ABI1: variants seen among roughly 807,000 people sequenced by gnomAD.
ABI1 encodes the protein abl interactor 1.
In ABI1, 14 loss-of-function variants were observed where a neutral mutation model predicts 54.6. That is an observed-to-expected ratio of 0.26 (90% CI 0.17 to 0.40). The LOEUF (loss-of-function observed/expected upper bound fraction) is 0.40, where lower values mean the gene tolerates loss of function less well. Among genes scored for constraint, ABI1 ranks in the 10% least tolerant of loss-of-function variants. The pLI, the probability that ABI1 is intolerant of heterozygous loss-of-function variation, is 1.00. For synonymous variants in ABI1, 194 were observed against 209.3 expected (o/e 0.93, Z 0.63); for missense variants, 443 against 598.3 (o/e 0.74, Z 2.71).
chr10:26,770,514 T>C, intron 4 of ABI1, 169 bp from the exon 5 acceptor site: 1 of 770,526 alleles, frequency 1.3e-6, no homozygotes, highest in Non-Finnish European at 2.3e-6. Context: ...CACTTGCACT[T>C]GGTCTTCCTA....
At chr10:26,781,967 C>T (rs986352497) in intron 2 of ABI1, among the ~76,000 whole-genome samples, 2 of 152,146 alleles carry the variant, frequency 1.3e-5, no homozygotes, top group Non-Finnish European at 2.9e-5. Context: ...CAGAGGCTGC[C>T]ACCTCATCCT....
intron 3 of ABI1, 106 bp from the exon 4 acceptor site, chr10:26,771,195 A>C: frequency 8.0e-7 from 1 of 1,248,964 alleles, no homozygotes; most frequent in Middle Eastern, 1.9e-4. Context: ...CATGTTAATA[A>C]GCTTTTTTCC....
intron 8 of ABI1, among the ~76,000 whole-genome samples, chr10:26,756,954 A>G (rs777900958): frequency 2.6e-5 from 4 of 152,158 alleles, no homozygotes; most frequent in Non-Finnish European, 5.9e-5. Context: ...ATAACATTCA[A>G]TTCACTATGA....
rs1016995298 is a variant in ABI1, at chr10:26,843,107, C to T, written c.117+17640G>A. Among the ~76,000 whole-genome samples the T allele has an allele frequency of 5.9e-5, 9 of 151,622 alleles. No individual in the cohort carries two copies. The East Asian group carries it at 7.8e-4, about 13-fold the overall frequency. ...TTTGGCTCTGGCTTTTGCATGAATC[C>T]ACAAAGATAAAGGAAAAAAGATTAT... On this transcript the variant is annotated intron_variant, in intron 1 of 10. Coordinates refer to ENST00000376140, the MANE Select transcript of ABI1 (RefSeq NM_001012750.3).
intron 8 of ABI1, among the ~76,000 whole-genome samples, chr10:26,756,260 G>A (rs1838293100): frequency 6.6e-6 from 1 of 151,930 alleles, no homozygotes. Context: ...ATTAATCACA[G>A]GTTTCCTTTA....
chr10:26,762,479 C>A (rs115632375), intron 7 of ABI1, among the ~76,000 whole-genome samples: 1 of 152,148 alleles, frequency 6.6e-6, no homozygotes, highest in Admixed American at 6.5e-5. Flanking sequence ...TCTAGGACAG[C>A]AGTTTTCACA....
intron 2 of ABI1, among the ~76,000 whole-genome samples, chr10:26,789,999 T>C (rs983196715): frequency 6.6e-6 from 1 of 152,244 alleles, no homozygotes; most frequent in African/African-American, 2.4e-5. Context: ...CCATGGTGTA[T>C]ACGTACCACA....
chr10:26,824,432 A>G (rs2048177501), intron 1 of ABI1, among the ~76,000 whole-genome samples: 1 of 152,206 alleles, frequency 6.6e-6, no homozygotes, highest in African/African-American at 2.4e-5. Context: ...TATTCACTGC[A>G]GCACTATCTA....
intron 2 of ABI1, among the ~76,000 whole-genome samples, chr10:26,803,603 A>C (rs1167648210): frequency 6.6e-6 from 1 of 152,266 alleles, no homozygotes; most frequent in East Asian, 1.9e-4. Context: ...AAAAATGTTT[A>C]GTGATCACAT....
At position 26,797,868 on chromosome 10, in the gene ABI1, T is replaced by C. The variant is rs530858884; in HGVS notation, c.286-20627A>G. Among the ~76,000 whole-genome samples the C allele has an allele frequency of 2.0e-5, 3 of 152,230 alleles. No homozygotes were observed. In the South Asian group the frequency reaches 6.2e-4, roughly 32 times the overall value. ...AAAAGCATTTTAAATTAAAGGATAA[T>C]AGGAAAACAAAGTAACAGACTTTAT... On this transcript the variant is annotated intron_variant, in intron 2 of 10. Transcript: ENST00000376140.
intron 2 of ABI1, among the ~76,000 whole-genome samples, chr10:26,785,215 G>T (rs1176770823): frequency 6.6e-6 from 1 of 152,178 alleles, no homozygotes; most frequent in Non-Finnish European, 1.5e-5. Context: ...AGCCAAGAAG[G>T]TATAGAAATG....
rs1484175266 is a variant in ABI1 at position 26,860,295 on chromosome 10, C to T, written c.117+452G>A. Among the ~76,000 whole-genome samples, 1 of 152,168 alleles carries T rather than the reference C, an allele frequency of 6.6e-6. No individual in the cohort carries two copies. The highest frequency in any genetic ancestry group is 1.9e-4 in the East Asian group (1 of 5,174). On this transcript the variant is annotated intron_variant, in intron 1 of 10. Transcript: ENST00000376140. This position sits in a 1 kb window ranked among gnomAD's most constrained non-coding sequence, Gnocchi z 4.1. Reference sequence around the variant, plus strand: ...CTCCCTTCTGCGGCTTCAGCCTCGTCCCTGCCCTCTCCTCTCCCCTCTCCC... The same window carrying T: ...CTCCCTTCTGCGGCTTCAGCCTCGTTCCTGCCCTCTCCTCTCCCCTCTCCC...
chr10:26,841,840 T>C (rs1417055609), intron 1 of ABI1, among the ~76,000 whole-genome samples: 3 of 152,190 alleles, frequency 2.0e-5, no homozygotes, highest in African/African-American at 7.2e-5. Flanking sequence ...CATCTATCAG[T>C]GGACATTCAG....
intron 2 of ABI1, among the ~76,000 whole-genome samples, chr10:26,821,243 T>TAA (rs34139312): frequency 0.77 from 88,714 of 114,918 alleles, 34,906 homozygotes; most frequent in East Asian, 0.85. Context: ...AGACTCCATC[T>TAA]AAAAAAAAAA....
At chr10:26,858,454 C>CTTTTTT (rs375525589) in intron 1 of ABI1, among the ~76,000 whole-genome samples, 3,340 of 118,078 alleles carry the variant, frequency 0.028, 181 homozygotes, top group East Asian at 0.2. Flanking sequence ...TGCGTGAATT[C>CTTTTTT]TTTTTTTTTT....
intron 1 of ABI1, among the ~76,000 whole-genome samples, chr10:26,835,772 C>T (rs1231465932): frequency 9.0e-5 from 12 of 133,312 alleles, no homozygotes; most frequent in African/African-American, 3.2e-5. Flanking sequence ...AATATTTTTA[C>T]TAATATTTTT....
At chr10:26,774,717 T>C (rs962091846) in intron 3 of ABI1, among the ~76,000 whole-genome samples, 1 of 152,000 alleles carries the variant, frequency 6.6e-6, no homozygotes, top group Admixed American at 6.6e-5. Context: ...ACCAAAACAC[T>C]AAAATTTACA....
At chr10:26,831,121 T>C (rs149552148) in intron 1 of ABI1, among the ~76,000 whole-genome samples, 7 of 152,248 alleles carry the variant, frequency 4.6e-5, no homozygotes, top group African/African-American at 1.4e-4. Context: ...TGTTTCCATG[T>C]CTTTAACTCT....
chr10:26,804,789 T>C (rs1416275579), intron 2 of ABI1, among the ~76,000 whole-genome samples: 2 of 152,210 alleles, frequency 1.3e-5, no homozygotes, highest in East Asian at 3.8e-4. Context: ...CAGGTCTTTA[T>C]GACTCCAAAA....
Sources: allele counts gnomAD v4.1 joint callset (sites outside exome capture counted in the v4.1 genomes callset), GRCh38; gene constraint gnomAD v4.1.1; non-coding constraint Gnocchi (gnomAD v3.1); transcripts MANE v1.5; gene names NCBI Gene and HGNC (gene_info 2026-07-23, HGNC 2026-07-21).